Variants in GRM7 observed in about 807,000 individuals in gnomAD.
GRM7 encodes metabotropic glutamate receptor 7.
Under a neutral mutation model 84.5 loss-of-function variants are expected in GRM7, and 35 were observed. The observed-to-expected ratio is 0.41, with a 90% CI of 0.32 to 0.55. The LOEUF (loss-of-function observed/expected upper bound fraction) is 0.55, where lower values mean the gene tolerates loss of function less well. GRM7 is among the 20% of genes least tolerant of loss of function. GRM7 has a pLI of 0.19. For missense variants in GRM7, 1,003 were observed against 1,194.6 expected (o/e 0.84, Z 2.36); for synonymous variants, 487 against 455.1 (o/e 1.07, Z -0.89).
intron 2 of GRM7, among the ~76,000 whole-genome samples, chr3:7,215,120 A>G (rs1364252206): frequency 6.6e-6 from 1 of 152,232 alleles, no homozygotes; most frequent in Non-Finnish European, 1.5e-5. Context: ...AGCATCACAT[A>G]GGGAGTTTGC....
chr3:6,986,862 A>G (rs1166348521), intron 1 of GRM7, among the ~76,000 whole-genome samples: 3 of 152,068 alleles, frequency 2.0e-5, no homozygotes, highest in Admixed American at 1.3e-4. Flanking sequence ...GATTGGAGGG[A>G]TGAATCTGGT....
At chr3:7,131,374 T>C (rs947375252) in intron 1 of GRM7, among the ~76,000 whole-genome samples, 5 of 152,162 alleles carry the variant, frequency 3.3e-5, no homozygotes, top group Admixed American at 6.5e-5. Flanking sequence ...CCTTAGATAT[T>C]CTGTTAGAGG....
intron 1 of GRM7, among the ~76,000 whole-genome samples, chr3:7,034,831 C>T (rs1421481954): frequency 1.3e-5 from 2 of 152,160 alleles, no homozygotes; most frequent in South Asian, 2.1e-4. Flanking sequence ...ACTCCACTAG[C>T]TCAGGAGTGA....
chr3:7,579,192 T>C lies in GRM7; in HGVS notation c.2286T>C (p.Tyr762=). ...TCCAAATCATTTGCTCCTTGGGATA[T>C]AGCATTCTTCTCATGGTCACATGTA... The part of the protein sequence containing the change: ...TDLQIICSLG[Y]SILLMVTCTV... Residue 762 remains tyrosine, a synonymous_variant, in exon 8 of 10, where the codon TAT becomes TAC. Coordinates refer to ENST00000357716, the MANE Select transcript of GRM7 (RefSeq NM_000844.4). 2 of 1,613,858 alleles carry C rather than the reference T, an allele frequency of 1.2e-6. No homozygotes were observed.
intron 1 of GRM7, among the ~76,000 whole-genome samples, chr3:6,888,964 T>A (rs1032645956): frequency 6.6e-6 from 1 of 152,158 alleles, no homozygotes; most frequent in African/African-American, 2.4e-5. Context: ...GTAAGTTGGA[T>A]TCCTAGGTAT....
At chr3:7,077,226 T>C (rs542108296) in intron 1 of GRM7, among the ~76,000 whole-genome samples, 1 of 152,312 alleles carries the variant, frequency 6.6e-6, no homozygotes, top group South Asian at 2.1e-4. Flanking sequence ...TTACTGGGTG[T>C]ATACCCAAAG....
In GRM7 at chr3:7,381,177, G is replaced by T. The variant is rs1008040799; in HGVS notation, c.1034-33846G>T. On this transcript the variant is annotated intron_variant, in intron 4 of 9. Transcript: ENST00000357716. ...ATTATTTAGTTAGTTTTTTTTTGAT[G>T]TTCAACTCTATTTTAAAATATTTTT... is the stretch of plus-strand genomic sequence containing the variant. Among the ~76,000 whole-genome samples, 5 of 151,580 alleles carry T rather than the reference G, an allele frequency of 3.3e-5. No individual in the cohort carries two copies. The South Asian group carries it at 1.0e-3, about 32-fold the overall frequency.
chr3:7,653,517 C>T (rs1699050877), intron 8 of GRM7, among the ~76,000 whole-genome samples: 1 of 152,054 alleles, frequency 6.6e-6, no homozygotes. Context: ...AAGTCCAGTC[C>T]CCAGAACCAG....
chr3:6,967,679 T>TG (rs1377864383), intron 1 of GRM7, among the ~76,000 whole-genome samples: 5 of 152,228 alleles, frequency 3.3e-5, no homozygotes, highest in Admixed American at 6.5e-5. Flanking sequence ...ATGAACAACG[T>TG]TATATATTGA....
chr3:7,498,407 A>G (rs1362963987), intron 7 of GRM7, among the ~76,000 whole-genome samples: 1 of 152,244 alleles, frequency 6.6e-6, no homozygotes, highest in South Asian at 2.1e-4. Context: ...TCAACTTACA[A>G]GTAGACTGGA....
At chr3:7,398,247 C>A (rs372409417) in intron 4 of GRM7, among the ~76,000 whole-genome samples, 14 of 152,146 alleles carry the variant, frequency 9.2e-5, no homozygotes, top group African/African-American at 3.4e-4. Flanking sequence ...TGACGGCCTA[C>A]TATGTGCTAA....
intron 7 of GRM7, among the ~76,000 whole-genome samples, chr3:7,477,839 C>T (rs892461709): frequency 1.3e-5 from 2 of 152,184 alleles, no homozygotes; most frequent in African/African-American, 4.8e-5. Flanking sequence ...CGCATGTATT[C>T]AGCATACCTT....
At chr3:7,276,792 TTCCTTCCTTC>T (rs1559546992) in intron 2 of GRM7, among the ~76,000 whole-genome samples, 8 of 5,014 alleles carry the variant, frequency 1.6e-3, no homozygotes, top group East Asian at 5.3e-3. Context: ...CCTTCCTTCC[TTCCTTCCTTC>T]CTTTTTGGTG....
chr3:6,937,780 T>C (rs1289035382), intron 1 of GRM7, among the ~76,000 whole-genome samples: 1 of 152,244 alleles, frequency 6.6e-6, no homozygotes, highest in South Asian at 2.1e-4. Flanking sequence ...TAATTTCTAT[T>C]ATCTGTTATC....
chr3:7,127,692 T>C (rs1265577295), intron 1 of GRM7, among the ~76,000 whole-genome samples: 1 of 152,342 alleles, frequency 6.6e-6, no homozygotes, highest in East Asian at 1.9e-4. Flanking sequence ...AAATTTTATG[T>C]ATATGCTACA....
intron 8 of GRM7, among the ~76,000 whole-genome samples, chr3:7,637,998 G>A (rs1341620839): frequency 6.6e-6 from 1 of 152,130 alleles, no homozygotes; most frequent in Non-Finnish European, 1.5e-5. Context: ...CTTGAGCAAA[G>A]TTCTATAATT....
At chr3:7,074,958 A>C (rs1288685558) in intron 1 of GRM7, among the ~76,000 whole-genome samples, 3 of 152,214 alleles carry the variant, frequency 2.0e-5, no homozygotes, top group African/African-American at 7.2e-5. Flanking sequence ...TAGCATTTTC[A>C]CTGCATCTCA....
At chr3:7,205,432 G>T (rs556166358) in intron 2 of GRM7, among the ~76,000 whole-genome samples, 1 of 152,332 alleles carries the variant, frequency 6.6e-6, no homozygotes, top group South Asian at 2.1e-4. Flanking sequence ...CCAGGGAACA[G>T]AGTCTGCCTT....
chr3:6,920,922 G>A (rs1300946540), intron 1 of GRM7, among the ~76,000 whole-genome samples: 1 of 152,126 alleles, frequency 6.6e-6, no homozygotes, highest in Non-Finnish European at 1.5e-5. Flanking sequence ...TAGCCAATAG[G>A]AAGATCATGA....
Sources: gnomAD v4.1 joint callset for allele counts (sites outside exome capture counted in the v4.1 genomes callset) on GRCh38, gnomAD v4.1.1 for gene constraint, MANE v1.5 for transcripts, NCBI Gene and HGNC (gene_info 2026-07-23, HGNC 2026-07-21) for gene names.